Variants in REV3L observed in about 807,000 individuals in gnomAD.
REV3L encodes the protein DNA polymerase zeta catalytic subunit.
REV3L carries 69 observed loss-of-function variants against 299.4 expected under a neutral mutation model. The ratio of observed to expected loss-of-function variants is 0.23; its 90% CI spans 0.19 to 0.28. REV3L has a LOEUF of 0.28. Among genes scored for constraint, REV3L ranks in the 10% least tolerant of loss-of-function variants. The pLI is 1.00. For missense variants in REV3L, 3,128 were observed against 3,693.8 expected, an observed-to-expected ratio of 0.85 and a Z score of 3.97; for synonymous variants, 1,238 against 1,271.4, an observed-to-expected ratio of 0.97 and a Z score of 0.56.
At chr6:111,315,440 C>T in intron 26 of REV3L, 59 bp from the exon 27 acceptor site, 1 of 1,336,992 alleles carries the variant, frequency 7.5e-7, no homozygotes, top group Non-Finnish European at 1.1e-6. Context: ...AAAATTTTAT[C>T]AAGAGTAACT....
At position 111,388,227 on chromosome 6, in the gene REV3L, CA is replaced by C. The variant is rs1781540142; in HGVS notation, c.863-143del. Reference sequence around the variant, plus strand: ...TAATACAACCTAACTGTAGTTTTACCATAGAATCACACAAAAGAGAAACGGT... The same window carrying C: ...TAATACAACCTAACTGTAGTTTTACCTAGAATCACACAAAAGAGAAACGGT... On this transcript the variant is annotated intron_variant, in intron 7 of 31. Coordinates refer to ENST00000368802, the MANE Select transcript of REV3L (RefSeq NM_001372078.1). 5 of 609,318 alleles carry C rather than the reference CA, an allele frequency of 8.2e-6. No individual in the cohort carries two copies. The South Asian group carries it at 1.0e-4, about 13-fold the overall frequency. 37.7% of individuals were successfully genotyped at this position (609,318 alleles called of 1,614,324 possible). A position where few individuals can be genotyped will look rare whatever the true frequency, so the allele number is the denominator to read the frequency against.
At chr6:111,348,735 G>A (rs755084719) in intron 20 of REV3L, among the ~76,000 whole-genome samples, 4 of 152,044 alleles carry the variant, frequency 2.6e-5, no homozygotes, top group Non-Finnish European at 4.4e-5. Context: ...CCGCAACCTC[G>A]GCTGCCTGAG....
intron 26 of REV3L, among the ~76,000 whole-genome samples, chr6:111,319,469 A>G (rs1582492796): frequency 6.9e-6 from 1 of 143,962 alleles, no homozygotes; most frequent in South Asian, 2.2e-4. Context: ...CTGTCTCAGG[A>G]AAAAAAAAAA....
chr6:111,366,866 CAAGTT>C (rs1365705019), intron 14 of REV3L, among the ~76,000 whole-genome samples: 1 of 152,084 alleles, frequency 6.6e-6, no homozygotes, highest in African/African-American at 2.4e-5. Context: ...ACAGGAAAGT[CAAGTT>C]GAGAAGATAA....
At chr6:111,471,988 A>AT (rs1297746176) in intron 1 of REV3L, 3 of 1,134,890 alleles carry the variant, frequency 2.6e-6, no homozygotes, top group Non-Finnish European at 3.4e-6. Flanking sequence ...CACCCCCAAT[A>AT]TATTAACCAA....
At chr6:111,451,019 A>G (rs865825525) in intron 1 of REV3L, among the ~76,000 whole-genome samples, 7 of 152,366 alleles carry the variant, frequency 4.6e-5, no homozygotes, top group Middle Eastern at 3.4e-3. Context: ...CAGAATCATA[A>G]TGAGTTTCCA....
intron 3 of REV3L, among the ~76,000 whole-genome samples, chr6:111,410,605 T>C (rs1002015654): frequency 6.6e-6 from 1 of 152,112 alleles, no homozygotes; most frequent in Non-Finnish European, 1.5e-5. Context: ...TTGGGTAAGA[T>C]CAAGGGCAGG....
chr6:111,364,803 C>T (rs1217495580), intron 15 of REV3L, among the ~76,000 whole-genome samples: 1 of 151,528 alleles, frequency 6.6e-6, no homozygotes, highest in Non-Finnish European at 1.5e-5. Flanking sequence ...TGTGACTTTC[C>T]AGAGTTTCAG....
intron 4 of REV3L, among the ~76,000 whole-genome samples, chr6:111,399,671 G>C (rs1782886864): frequency 6.6e-6 from 1 of 152,126 alleles, no homozygotes; most frequent in South Asian, 2.1e-4. Context: ...CTCATGAGTA[G>C]ACTGGGGTTA....
chr6:111,368,749 T>C (rs1002771552), intron 13 of REV3L, among the ~76,000 whole-genome samples: 1 of 152,218 alleles, frequency 6.6e-6, no homozygotes, highest in Non-Finnish European at 1.5e-5. Flanking sequence ...CTCCAATCCC[T>C]TGATACTATT....
chr6:111,429,289 T>C lies in REV3L; in HGVS notation c.140-12817A>G, dbSNP rs186263113. Among the ~76,000 whole-genome samples, 138 of 152,282 alleles carry C rather than the reference T, an allele frequency of 9.1e-4. No homozygotes were observed. In the East Asian group the frequency reaches 0.017, roughly 19 times the overall value. On this transcript the variant is annotated intron_variant, in intron 1 of 31. Transcript: ENST00000368802. ...TCTGCCTCCCAAAGTGCTAGGATTATAGGTGTGAGCCATTGTGCCCAGTCA... is the reference window on the plus strand; with the variant it reads ...TCTGCCTCCCAAAGTGCTAGGATTACAGGTGTGAGCCATTGTGCCCAGTCA...
Position 111,435,439 on chromosome 6 carries a change from T to C in REV3L, c.140-18967A>G, listed in dbSNP as rs1030838367. Among the ~76,000 whole-genome samples, 5 of 152,264 alleles carry C rather than the reference T, an allele frequency of 3.3e-5. No homozygotes were observed. The East Asian group carries it at 9.6e-4, about 29-fold the overall frequency. ...CAAAGCTATAGAAACCAAATCAGCA[T>C]GCTATTGGCATAAAAACAGACATAC... On this transcript the variant is annotated intron_variant, in intron 1 of 31. Transcript: ENST00000368802.
At chr6:111,473,249 C>T (rs1291159247) in intron 1 of REV3L, among the ~76,000 whole-genome samples, 2 of 148,844 alleles carry the variant, frequency 1.3e-5, no homozygotes, top group African/African-American at 2.5e-5. Context: ...TTTAAAGAGA[C>T]GGGGTCTTGC....
At chr6:111,319,251 A>C (rs1773870714) in intron 26 of REV3L, among the ~76,000 whole-genome samples, 1 of 152,156 alleles carries the variant, frequency 6.6e-6, no homozygotes, top group Admixed American at 6.5e-5. Flanking sequence ...TCACGAGGTC[A>C]GGAGTTCAAG....
At chr6:111,440,485 G>C (rs2128307521) in intron 1 of REV3L, among the ~76,000 whole-genome samples, 1 of 152,258 alleles carries the variant, frequency 6.6e-6, no homozygotes, top group African/African-American at 2.4e-5. Flanking sequence ...TAGTTACAAT[G>C]ATTTAAAATT....
At chr6:111,315,410 A>G in intron 26 of REV3L, 29 bp from the exon 27 acceptor site, 1 of 1,576,294 alleles carries the variant, frequency 6.3e-7, no homozygotes, top group Non-Finnish European at 8.7e-7. Flanking sequence ...AAGTAAGGTA[A>G]TGAGGAAGTC....
At chr6:111,319,829 C>CT (rs753138766) in intron 26 of REV3L, among the ~76,000 whole-genome samples, 162 of 144,284 alleles carry the variant, frequency 1.1e-3, no homozygotes, top group Middle Eastern at 3.6e-3. Context: ...TTGGGAACTC[C>CT]TTTTTTTTTT....
In REV3L at chr6:111,336,562, T is replaced by C. The variant is rs1282900144; in HGVS notation, c.7539-952A>G. Among the ~76,000 whole-genome samples the C allele has an allele frequency of 2.0e-5, 3 of 152,070 alleles. No homozygotes were observed. In the East Asian group the frequency reaches 5.8e-4, roughly 29 times the overall value. Reference sequence around the variant, plus strand: ...AAGTAGAGACATTGGAATCCTCATATACTGCTGGTGGGAACGTAAAATAGA... The same window carrying C: ...AAGTAGAGACATTGGAATCCTCATACACTGCTGGTGGGAACGTAAAATAGA... On this transcript the variant is annotated intron_variant, in intron 21 of 31. Coordinates refer to ENST00000368802, the MANE Select transcript of REV3L (RefSeq NM_001372078.1).
intron 26 of REV3L, among the ~76,000 whole-genome samples, chr6:111,316,185 C>G (rs969522967): frequency 6.9e-6 from 1 of 144,420 alleles, no homozygotes; most frequent in African/African-American, 2.6e-5. Flanking sequence ...TTGCAGTGAA[C>G]TGAGATTATA....
Sources: gnomAD v4.1 joint callset for allele counts (sites outside exome capture counted in the v4.1 genomes callset) on GRCh38, gnomAD v4.1.1 for gene constraint, MANE v1.5 for transcripts, NCBI Gene and HGNC (gene_info 2026-07-23, HGNC 2026-07-21) for gene names.